MRTFB: variants seen among roughly 807,000 people sequenced by gnomAD.
MRTFB encodes myocardin related transcription factor B.
In MRTFB, 29 loss-of-function variants were observed where a neutral mutation model predicts 104.2. The ratio of observed to expected loss-of-function variants is 0.28; its 90% CI spans 0.21 to 0.38. MRTFB has a LOEUF of 0.38. Ranked by LOEUF, MRTFB falls within the 10% of genes least tolerant of loss-of-function variation. The pLI is 1.00. For synonymous variants in MRTFB, 535 were observed against 519.5 expected (o/e 1.03, Z -0.41); for missense variants, 1,270 against 1,341.6 (o/e 0.95, Z 0.83).
At chr16:14,191,883 C>T (rs1188452687) in intron 3 of MRTFB, 3 of 151,992 alleles carry the variant, frequency 2.0e-5, no homozygotes, top group Admixed American at 6.6e-5. Context: ...GCTGCTCTTC[C>T]TTTTCTGATT....
chr16:14,172,240 C>A (rs987626137), intron 3 of MRTFB, among the ~76,000 whole-genome samples: 2 of 152,076 alleles, frequency 1.3e-5, no homozygotes, highest in African/African-American at 4.8e-5. Flanking sequence ...CCCCCACAAA[C>A]AAGCAGCTAT....
the MRTFB span, among the ~76,000 whole-genome samples, chr16:14,017,673 G>GTGTGTT: frequency 8.5e-5 from 1 of 11,720 alleles, no homozygotes; most frequent in South Asian, 4.4e-3. Flanking sequence ...GTATTTGTGT[G>GTGTGTT]TGTGTGTGTG....
intron 2 of MRTFB, among the ~76,000 whole-genome samples, chr16:14,123,183 G>C (rs2036941689): frequency 6.6e-6 from 1 of 152,084 alleles, no homozygotes; most frequent in South Asian, 2.1e-4. Context: ...TGTAGATTCT[G>C]GATATTAGCC....
At chr16:14,248,240 C>A (rs575146259) in intron 12 of MRTFB, 1 of 152,396 alleles carries the variant, frequency 6.6e-6, no homozygotes, top group African/African-American at 2.4e-5. Context: ...CACGAGTGAA[C>A]AAGAAACCAT....
chr16:14,036,737 G>C, the MRTFB span, among the ~76,000 whole-genome samples: 2 of 151,652 alleles, frequency 1.3e-5, no homozygotes, highest in Non-Finnish European at 2.9e-5. Context: ...CTGGTGTTTT[G>C]GAATCTGGCC....
At chr16:14,100,357 A>C (rs1596824206) in intron 2 of MRTFB, among the ~76,000 whole-genome samples, 1 of 152,158 alleles carries the variant, frequency 6.6e-6, no homozygotes, top group East Asian at 1.9e-4. Context: ...TATTGAGATA[A>C]TCATATGGTT....
intron 3 of MRTFB, among the ~76,000 whole-genome samples, chr16:14,183,553 G>A (rs776959534): frequency 5.9e-5 from 9 of 151,484 alleles, no homozygotes; most frequent in Admixed American, 5.3e-4. Context: ...TATCTATACC[G>A]ACTAAGCAGT....
At chr16:14,138,342 T>C (rs2037828720) in intron 2 of MRTFB, among the ~76,000 whole-genome samples, 1 of 152,254 alleles carries the variant, frequency 6.6e-6, no homozygotes, top group African/African-American at 2.4e-5. Context: ...TTTTCATTTC[T>C]GAAATCTAAG....
the MRTFB span, chr16:14,020,466 T>C: frequency 6.6e-5 from 10 of 152,130 alleles, no homozygotes; most frequent in African/African-American, 2.2e-4. Context: ...ATAGCCAAAT[T>C]TGGGGCAGGA....
intron 2 of MRTFB, among the ~76,000 whole-genome samples, chr16:14,096,195 T>C (rs1463003129): frequency 6.6e-6 from 1 of 152,026 alleles, no homozygotes; most frequent in African/African-American, 2.4e-5. Context: ...TGCCTCAGCC[T>C]TCCGGGTAGC....
At chr16:14,222,317 C>T (rs2151238456) in intron 8 of MRTFB, among the ~76,000 whole-genome samples, 1 of 152,280 alleles carries the variant, frequency 6.6e-6, no homozygotes, top group South Asian at 2.1e-4. Context: ...TTAAAATAAG[C>T]TATCCAACCT....
At chr16:14,160,973 C>T (rs1193164192) in intron 3 of MRTFB, among the ~76,000 whole-genome samples, 1 of 151,264 alleles carries the variant, frequency 6.6e-6, no homozygotes, top group African/African-American at 2.4e-5. Flanking sequence ...ATTTCTGGTT[C>T]CTTTTAGTGA....
intron 3 of MRTFB, among the ~76,000 whole-genome samples, chr16:14,203,808 A>G (rs867951491): frequency 2.7e-4 from 40 of 150,722 alleles, no homozygotes; most frequent in African/African-American, 9.8e-4. Flanking sequence ...TGTCTCGAAA[A>G]AAAAAAAAAA....
chr16:14,229,045 A>G lies in MRTFB; in HGVS notation c.694-5101A>G, dbSNP rs1479836711. ...TGTAATTAATGCCATATACTTAAAA[A>G]TGGTTAAATAGTAAATTTTGTGTTA... On this transcript the variant is annotated intron_variant, in intron 8 of 16. Coordinates refer to ENST00000571589, the MANE Select transcript of MRTFB (RefSeq NM_001308142.2). 3.3e-5 allele frequency among the ~76,000 whole-genome samples: 5 copies of G among 152,226 alleles called. No individual in the cohort carries two copies. In the East Asian group the frequency reaches 9.6e-4, roughly 29 times the overall value.
the MRTFB span, among the ~76,000 whole-genome samples, chr16:14,057,816 G>A: frequency 3.3e-5 from 5 of 152,194 alleles, no homozygotes; most frequent in African/African-American, 1.2e-4. Flanking sequence ...CAAATGAAGT[G>A]CTTGTTATTC....
At chr16:14,224,996 GA>G (rs1472561019) in intron 8 of MRTFB, among the ~76,000 whole-genome samples, 1 of 152,174 alleles carries the variant, frequency 6.6e-6, no homozygotes, top group East Asian at 1.9e-4. Flanking sequence ...AGACCAGCCT[GA>G]CCAACATGGA....
chr16:14,166,663 G>T (rs767238912), intron 3 of MRTFB, among the ~76,000 whole-genome samples: 1 of 133,122 alleles, frequency 7.5e-6, no homozygotes, highest in Non-Finnish European at 1.6e-5. Flanking sequence ...CCTGCCCACC[G>T]CACCCACCCC....
chr16:14,055,070 G>A, the MRTFB span, among the ~76,000 whole-genome samples: 5 of 152,326 alleles, frequency 3.3e-5, no homozygotes, highest in Admixed American at 2.0e-4. Flanking sequence ...TTAACATGGA[G>A]GCCAGGTGTG....
the MRTFB span, among the ~76,000 whole-genome samples, chr16:14,039,841 C>G: frequency 3.3e-5 from 5 of 150,752 alleles, no homozygotes; most frequent in Non-Finnish European, 7.4e-5. Context: ...CTCCGCCTCC[C>G]GGGTTCAAGT....
Sources: allele counts gnomAD v4.1 joint callset (sites outside exome capture counted in the v4.1 genomes callset), GRCh38; gene constraint gnomAD v4.1.1; transcripts MANE v1.5; gene names NCBI Gene and HGNC (gene_info 2026-07-23, HGNC 2026-07-21).